SH3RF1: variants seen among roughly 807,000 people sequenced by gnomAD.
SH3RF1 encodes the protein E3 ubiquitin-protein ligase SH3RF1.
A neutral mutation model predicts 74.0 loss-of-function variants in SH3RF1; 32 were observed. That is an observed-to-expected ratio of 0.43 (90% CI 0.33 to 0.58). SH3RF1 has a LOEUF of 0.58. Ranked by LOEUF, SH3RF1 falls within the 20% of genes least tolerant of loss-of-function variation. The pLI is 0.05. For missense variants in SH3RF1, 954 were observed against 1,130.9 expected (o/e 0.84, Z 2.24); for synonymous variants, 396 against 439.6 (o/e 0.90, Z 1.24).
rs556134082 is a variant in SH3RF1, at chr4:169,128,817, T to C, written c.1179+1229A>G. Among the ~76,000 whole-genome samples the C allele has an allele frequency of 7.2e-5, 11 of 152,278 alleles. No homozygotes were observed. In the East Asian group the frequency reaches 1.9e-3, roughly 27 times the overall value. ...ACCCACAACCTAAAAACAAACCAGC[T>C]GCTTAGAAGCCTCCCTATTCCTGGT... On this transcript the variant is annotated intron_variant, in intron 6 of 11. Transcript: ENST00000284637.
intron 8 of SH3RF1, among the ~76,000 whole-genome samples, chr4:169,119,201 T>C (rs1733396786): frequency 6.6e-6 from 1 of 151,764 alleles, no homozygotes; most frequent in African/African-American, 2.4e-5. Flanking sequence ...CCTCCCAGGT[T>C]CAAGTGATTA....
intron 2 of SH3RF1, among the ~76,000 whole-genome samples, chr4:169,259,729 T>TAATA (rs1346255065): frequency 6.6e-6 from 1 of 152,136 alleles, no homozygotes; most frequent in Non-Finnish European, 1.5e-5. Flanking sequence ...CCTCCAAGCA[T>TAATA]AATATTTCTA....
At chr4:169,103,511 A>G (rs1733077149) in intron 11 of SH3RF1, among the ~76,000 whole-genome samples, 1 of 152,214 alleles carries the variant, frequency 6.6e-6, no homozygotes, top group South Asian at 2.1e-4. Context: ...TACTGATATA[A>G]AAGTTAATCT....
intron 2 of SH3RF1, among the ~76,000 whole-genome samples, chr4:169,238,036 C>T (rs1730848197): frequency 6.6e-6 from 1 of 152,108 alleles, no homozygotes; most frequent in Non-Finnish European, 1.5e-5. Context: ...ATTTTCCCCT[C>T]TTAGTGAATT....
At chr4:169,101,242 T>C (rs1733021931) in intron 11 of SH3RF1, among the ~76,000 whole-genome samples, 2 of 152,160 alleles carry the variant, frequency 1.3e-5, no homozygotes, top group African/African-American at 4.8e-5. Context: ...AGCCTAGTTG[T>C]ATAGAAAAAC....
In SH3RF1 at chr4:169,264,964, T is replaced by C. The variant is rs1324811453; in HGVS notation, c.393+3856A>G. Among the ~76,000 whole-genome samples, 4 of 152,284 alleles carry C rather than the reference T, an allele frequency of 2.6e-5. No individual in the cohort carries two copies. The East Asian group carries it at 7.7e-4, about 29-fold the overall frequency. On this transcript the variant is annotated intron_variant, in intron 2 of 11. Coordinates refer to ENST00000284637, the MANE Select transcript of SH3RF1 (RefSeq NM_020870.4). The stretch of plus-strand genomic sequence containing the variant: ...CCCCCATTCCCTAATTAATATCATT[T>C]CACCCTTAAGATCTCAGCTCAGATG...
intron 6 of SH3RF1, among the ~76,000 whole-genome samples, chr4:169,123,587 G>T (rs758784965): frequency 1.3e-5 from 2 of 152,142 alleles, no homozygotes; most frequent in Non-Finnish European, 2.9e-5. Context: ...TCAAAATATG[G>T]CACCATTAAG....
intron 2 of SH3RF1, among the ~76,000 whole-genome samples, chr4:169,179,353 T>A (rs941839207): frequency 4.6e-5 from 7 of 152,182 alleles, no homozygotes; most frequent in African/African-American, 1.7e-4. Context: ...ACACCTTGAT[T>A]TTGGCCCAGG....
intron 5 of SH3RF1, 77 bp from the exon 6 acceptor site, chr4:169,130,233 G>T: frequency 1.9e-6 from 2 of 1,031,564 alleles, no homozygotes; most frequent in Non-Finnish European, 2.6e-6. Flanking sequence ...CCTTAGAAAG[G>T]CAAGTCACAT....
chr4:169,232,781 C>T (rs1193586354), intron 2 of SH3RF1, among the ~76,000 whole-genome samples: 2 of 152,074 alleles, frequency 1.3e-5, no homozygotes, highest in Admixed American at 6.6e-5. Flanking sequence ...TATGTTTTTA[C>T]CCCTCTTCAG....
chr4:169,260,385 G>A lies in SH3RF1; in HGVS notation c.393+8435C>T, dbSNP rs533771777. On this transcript the variant is annotated intron_variant, in intron 2 of 11. Transcript: ENST00000284637. Reference sequence around the variant, plus strand: ...GTCTGTTCTACCGGCTCCCCACTGCGCCTCTTTTAGCCACTTGGAAAGAAC... The same window carrying A: ...GTCTGTTCTACCGGCTCCCCACTGCACCTCTTTTAGCCACTTGGAAAGAAC... Among the ~76,000 whole-genome samples, 49 of 152,280 alleles carry A rather than the reference G, an allele frequency of 3.2e-4. No homozygotes were observed. In the South Asian group the frequency reaches 4.2e-3, roughly 13 times the overall value.
chr4:169,200,059 A>T (rs1053173872), intron 2 of SH3RF1, among the ~76,000 whole-genome samples: 6 of 152,184 alleles, frequency 3.9e-5, no homozygotes, highest in Admixed American at 2.0e-4. Context: ...CCATCCAAAA[A>T]AAAGGAATAA....
Position 169,120,970 on chromosome 4 carries a change from A to C in SH3RF1, c.1366T>G (p.Tyr456Asp). The change falls in exon 8 of 12, where the codon TAC (tyrosine) becomes GAC (aspartate). Residue 456 changes from tyrosine to aspartate, a missense_variant. By Grantham distance (160) the Tyr-to-Asp change is radical (BLOSUM62 -3). Coordinates refer to ENST00000284637, the MANE Select transcript of SH3RF1 (RefSeq NM_020870.4). The stretch of plus-strand genomic sequence containing the variant: ...AGTTCATCCTCTTTCCGAGGAGTGT[A>C]TGGATATATAGCAACATACCTAGAA... ...RPSVYVAIYP[Y>D]TPRKEDELEL... 1 of 1,613,848 alleles carries C rather than the reference A, an allele frequency of 6.2e-7. No individual in the cohort carries two copies. Among genetic ancestry groups the C allele is most frequent in the Non-Finnish European group, 8.5e-7 (1 of 1,179,714 alleles).
intron 2 of SH3RF1, among the ~76,000 whole-genome samples, chr4:169,211,589 C>T (rs188024346): frequency 1.3e-5 from 2 of 152,066 alleles, no homozygotes; most frequent in Admixed American, 6.5e-5. Context: ...CACTTGTCTA[C>T]TATGAATAAG....
At chr4:169,224,030 T>C (rs1422227347) in intron 2 of SH3RF1, among the ~76,000 whole-genome samples, 1 of 152,196 alleles carries the variant, frequency 6.6e-6, no homozygotes. Flanking sequence ...CCATTGACAT[T>C]TGGGGCAGAA....
At chr4:169,209,726 A>G (rs1730326188) in intron 2 of SH3RF1, among the ~76,000 whole-genome samples, 1 of 152,196 alleles carries the variant, frequency 6.6e-6, no homozygotes, top group African/African-American at 2.4e-5. Context: ...TAACACTGTA[A>G]TGTACCGGAA....
At chr4:169,223,123 G>A (rs1730595232) in intron 2 of SH3RF1, among the ~76,000 whole-genome samples, 1 of 152,096 alleles carries the variant, frequency 6.6e-6, no homozygotes, top group African/African-American at 2.4e-5. Flanking sequence ...ACCTTCCTGG[G>A]GCCTTTCTGC....
At chr4:169,263,221 G>A (rs1731307564) in intron 2 of SH3RF1, among the ~76,000 whole-genome samples, 1 of 152,022 alleles carries the variant, frequency 6.6e-6, no homozygotes, top group Admixed American at 6.5e-5. Context: ...GTCCACACTT[G>A]GTATTCTTTG....
intron 2 of SH3RF1, among the ~76,000 whole-genome samples, chr4:169,187,145 T>C (rs1354191816): frequency 6.6e-6 from 1 of 152,232 alleles, no homozygotes; most frequent in Non-Finnish European, 1.5e-5. Flanking sequence ...TCCTAGTTTC[T>C]GGTTAAAAGA....
Sources: gnomAD v4.1 joint callset for allele counts (sites outside exome capture counted in the v4.1 genomes callset) on GRCh38, gnomAD v4.1.1 for gene constraint, MANE v1.5 for transcripts, NCBI Gene and HGNC (gene_info 2026-07-23, HGNC 2026-07-21) for gene names.